The following DYNC1I1 variants were observed in gnomAD, a reference collection of about 807,000 sequenced individuals.
The protein encoded by DYNC1I1 is dynein cytoplasmic 1 intermediate chain 1.
A neutral mutation model predicts 86.6 loss-of-function variants in DYNC1I1; 43 were observed. The ratio of observed to expected loss-of-function variants is 0.50; its 90% CI spans 0.39 to 0.64. DYNC1I1 has a LOEUF of 0.64. DYNC1I1 is among the 30% of genes least tolerant of loss of function. DYNC1I1 has a pLI of 0.00. For synonymous variants in DYNC1I1, 262 were observed against 283.7 expected, an observed-to-expected ratio of 0.92 and a Z score of 0.77; for missense variants, 604 against 788.8, an observed-to-expected ratio of 0.77 and a Z score of 2.81.
At chr7:95,986,053 TGTGTGTGTG>T (rs1793583978) in intron 8 of DYNC1I1, among the ~76,000 whole-genome samples, 1 of 151,346 alleles carries the variant, frequency 6.6e-6, no homozygotes, top group Non-Finnish European at 1.5e-5. Flanking sequence ...TGTGTGTGTG[TGTGTGTGTG>T]TATCTCCTGA....
chr7:95,880,640 C>CTT (rs142182653), intron 6 of DYNC1I1, among the ~76,000 whole-genome samples: 23 of 92,548 alleles, frequency 2.5e-4, no homozygotes, highest in African/African-American at 7.5e-4. Context: ...CATCTTCTTA[C>CTT]TTTTTTTTTT....
intron 1 of DYNC1I1, among the ~76,000 whole-genome samples, chr7:95,774,744 C>G (rs1049326372): frequency 6.6e-6 from 1 of 152,174 alleles, no homozygotes; most frequent in African/African-American, 2.4e-5. Context: ...AGTGCTGAGT[C>G]AAGGATCCAG....
chr7:95,973,158 AT>A (rs1184125492), intron 6 of DYNC1I1, among the ~76,000 whole-genome samples: 1 of 152,232 alleles, frequency 6.6e-6, no homozygotes, highest in Non-Finnish European at 1.5e-5. Flanking sequence ...GTCTACATAA[AT>A]CCTTTTCTTT....
At chr7:96,029,664 C>T (rs1794761573) in intron 11 of DYNC1I1, among the ~76,000 whole-genome samples, 1 of 152,070 alleles carries the variant, frequency 6.6e-6, no homozygotes, top group African/African-American at 2.4e-5. Flanking sequence ...ACCTCTAATG[C>T]CAGCATTTTG....
chr7:95,837,425 G>T (rs1562915366), intron 5 of DYNC1I1, among the ~76,000 whole-genome samples: 1 of 152,148 alleles, frequency 6.6e-6, no homozygotes, highest in Non-Finnish European at 1.5e-5. Flanking sequence ...CTTTTTGTTT[G>T]TCTGTGCCCT....
chr7:95,874,275 C>G (rs577505392), intron 6 of DYNC1I1, among the ~76,000 whole-genome samples: 1 of 152,306 alleles, frequency 6.6e-6, no homozygotes, highest in East Asian at 1.9e-4. Flanking sequence ...TTAGCATCAG[C>G]TATGGCAGAT....
intron 6 of DYNC1I1, among the ~76,000 whole-genome samples, chr7:95,974,323 T>C (rs1793249231): frequency 1.3e-5 from 2 of 152,218 alleles, no homozygotes; most frequent in East Asian, 1.9e-4. Flanking sequence ...TGGCACATAG[T>C]AAGTGCTCAG....
At chr7:96,070,546 A>G (rs1217429863) in intron 14 of DYNC1I1, among the ~76,000 whole-genome samples, 5 of 152,148 alleles carry the variant, frequency 3.3e-5, no homozygotes, top group African/African-American at 7.2e-5. Flanking sequence ...GTAAGATTCC[A>G]TGAGTTTTCC....
intron 1 of DYNC1I1, among the ~76,000 whole-genome samples, chr7:95,775,798 C>T (rs1214607270): frequency 2.0e-5 from 3 of 152,200 alleles, no homozygotes; most frequent in African/African-American, 7.2e-5. Flanking sequence ...TCTGCATCCC[C>T]TAGAGCATGT....
At chr7:95,888,702 A>T (rs539179795) in intron 6 of DYNC1I1, among the ~76,000 whole-genome samples, 37 of 152,312 alleles carry the variant, frequency 2.4e-4, no homozygotes, top group African/African-American at 8.9e-4. Context: ...GCCACCTCTG[A>T]GTTTCTTAGG....
chr7:96,035,604 A>G lies in DYNC1I1; in HGVS notation c.1231-15A>G. The G allele has an allele frequency of 6.4e-7, 1 of 1,564,956 alleles. No homozygotes were observed. The highest frequency in any genetic ancestry group is 2.3e-5 in the East Asian group (1 of 43,126). Reference sequence around the variant, plus strand: ...AGTTGACAGATGGAAATGTAACCACACCGTGTTTTGGTAGGAGAGCATGGA... The same window carrying G: ...AGTTGACAGATGGAAATGTAACCACGCCGTGTTTTGGTAGGAGAGCATGGA... On this transcript the variant is annotated splice_polypyrimidine_tract_variant and intron_variant, in intron 12 of 16. Transcript: ENST00000447467.
At chr7:95,854,476 C>G (rs1340807183) in intron 5 of DYNC1I1, among the ~76,000 whole-genome samples, 2 of 152,066 alleles carry the variant, frequency 1.3e-5, no homozygotes, top group Non-Finnish European at 2.9e-5. Context: ...TATGTATTTT[C>G]TTATATTGCA....
intron 6 of DYNC1I1, among the ~76,000 whole-genome samples, chr7:95,971,691 A>T (rs900104562): frequency 6.6e-6 from 1 of 152,128 alleles, no homozygotes; most frequent in Non-Finnish European, 1.5e-5. Flanking sequence ...TTTCACATTA[A>T]AATTGATGAT....
chr7:95,772,770 C>A lies in DYNC1I1; in HGVS notation c.-13C>A, dbSNP rs1793736122. 1 of 152,624 alleles carries A rather than the reference C, an allele frequency of 6.6e-6. No homozygotes were observed. The highest frequency in any genetic ancestry group is 2.0e-4 in the South Asian group (1 of 5,034). 9.5% of individuals were successfully genotyped at this position (152,624 alleles called of 1,614,324 possible). On this transcript the variant is annotated 5_prime_UTR_variant, in exon 1 of 17. Coordinates refer to ENST00000447467, the MANE Select transcript of DYNC1I1 (RefSeq NM_001135556.2). ...CCAGTTCCGCCGCTGCCGAGCGCGTCCAGGTAAACTGGAGCGGGATGTCGC... is the reference window on the plus strand; with the variant it reads ...CCAGTTCCGCCGCTGCCGAGCGCGTACAGGTAAACTGGAGCGGGATGTCGC...
intron 6 of DYNC1I1, among the ~76,000 whole-genome samples, chr7:95,947,175 A>G (rs984156110): frequency 2.6e-5 from 4 of 152,228 alleles, no homozygotes; most frequent in Non-Finnish European, 5.9e-5. Context: ...GTGAAGATTT[A>G]ATAAAATAGT....
At position 96,096,402 on chromosome 7, in the gene DYNC1I1, C is replaced by A. The variant is rs572593536; in HGVS notation, c.1777-1081C>A. 3.3e-5 allele frequency among the ~76,000 whole-genome samples: 5 copies of A among 151,954 alleles called. No individual in the cohort carries two copies. The South Asian group carries it at 1.0e-3, about 32-fold the overall frequency. The stretch of plus-strand genomic sequence containing the variant: ...TGGATAGTGTAGTGTAGCACTAGTA[C>A]CTATAGGTAAATTACACTATATTAT... On this transcript the variant is annotated intron_variant, in intron 16 of 16. Transcript: ENST00000447467.
chr7:95,919,220 TC>T (rs1791550139), intron 6 of DYNC1I1, among the ~76,000 whole-genome samples: 1 of 152,174 alleles, frequency 6.6e-6, no homozygotes, highest in South Asian at 2.1e-4. Flanking sequence ...GGTTACACTA[TC>T]CCCCTCACAA....
chr7:96,075,420 G>A (rs1790301088), intron 14 of DYNC1I1, among the ~76,000 whole-genome samples: 1 of 152,182 alleles, frequency 6.6e-6, no homozygotes, highest in African/African-American at 2.4e-5. Context: ...CAACTGATTG[G>A]GGTGAGCTGA....
chr7:96,017,955 A>C (rs1247959025), intron 10 of DYNC1I1, among the ~76,000 whole-genome samples: 5 of 152,154 alleles, frequency 3.3e-5, no homozygotes, highest in Admixed American at 3.3e-4. Context: ...ATTGGTCTCA[A>C]TCAGTTCCCA....
Sources: allele counts gnomAD v4.1 joint callset (sites outside exome capture counted in the v4.1 genomes callset), GRCh38; gene constraint gnomAD v4.1.1; transcripts MANE v1.5; gene names NCBI Gene and HGNC (gene_info 2026-07-23, HGNC 2026-07-21).